EPM2A: variants seen among roughly 807,000 people sequenced by gnomAD.
EPM2A encodes laforin.
In EPM2A, 21 loss-of-function variants were observed where a neutral mutation model predicts 26.5. That is an observed-to-expected ratio of 0.79 (90% confidence interval 0.56 to 1.14). The LOEUF (loss-of-function observed/expected upper bound fraction) is 1.14, where lower values mean the gene tolerates loss of function less well. EPM2A is among the 50% of genes most tolerant of loss of function. The pLI is 0.00. For missense variants in EPM2A, 458 were observed against 440.8 expected, an observed-to-expected ratio of 1.04 and a Z score of -0.35; for synonymous variants, 217 against 177.6, an observed-to-expected ratio of 1.22 and a Z score of -1.76.
At chr6:145,495,310 A>ATTTT (rs71028352) in intron 4 of EPM2A, among the ~76,000 whole-genome samples, 2 of 143,640 alleles carry the variant, frequency 1.4e-5, no homozygotes, top group South Asian at 2.2e-4. Flanking sequence ...AACCACTGGG[A>ATTTT]TTTTTTTTTT....
rs557523220 is a variant in EPM2A, at chr6:145,467,029, A to T, written c.555+35493T>A. Among the ~76,000 whole-genome samples, 131 of 152,268 alleles carry T rather than the reference A, an allele frequency of 8.6e-4. 7 individuals are homozygous for T. The South Asian group carries it at 0.026, about 30-fold the overall frequency. ...GAGTGGAGAGGGATAGCACTGGGAG[A>T]TATACCTAATGCTAGATGACGAGTT... On this transcript the variant is annotated intron_variant, in intron 4 of 4. Coordinates refer to the EPM2A transcript ENST00000638717.
intron 4 of EPM2A, among the ~76,000 whole-genome samples, chr6:145,442,437 A>G (rs1449020633): frequency 2.6e-5 from 4 of 152,134 alleles, no homozygotes; most frequent in Non-Finnish European, 5.9e-5. Context: ...GGAAGGTGCA[A>G]AGCAGGTCTC....
chr6:145,481,200 C>A (rs968193434), intron 4 of EPM2A, among the ~76,000 whole-genome samples: 3 of 152,096 alleles, frequency 2.0e-5, no homozygotes, highest in African/African-American at 7.2e-5. Context: ...GTTCACTAAT[C>A]TTTTATATCC....
intron 2 of EPM2A, among the ~76,000 whole-genome samples, chr6:145,652,067 G>A (rs962667306): frequency 2.0e-5 from 3 of 152,050 alleles, no homozygotes; most frequent in African/African-American, 7.2e-5. Flanking sequence ...TTACTTATAA[G>A]ATATTTTATT....
chr6:145,706,144 C>T (rs1468590018), intron 1 of EPM2A, among the ~76,000 whole-genome samples: 1 of 152,126 alleles, frequency 6.6e-6, no homozygotes, highest in African/African-American at 2.4e-5. Context: ...CAGTTCTGGA[C>T]ATAGTACTTT....
intron 4 of EPM2A, among the ~76,000 whole-genome samples, chr6:145,408,368 AT>A (rs1241858832): frequency 6.6e-6 from 1 of 152,142 alleles, no homozygotes; most frequent in Non-Finnish European, 1.5e-5. Flanking sequence ...GGAGAGAAAG[AT>A]GTACAAGAAG....
intron 2 of EPM2A, among the ~76,000 whole-genome samples, chr6:145,650,930 C>T (rs1190349168): frequency 6.6e-6 from 1 of 152,166 alleles, no homozygotes; most frequent in African/African-American, 2.4e-5. Context: ...TTATCTCTTG[C>T]TCTCCACAAA....
rs530602757 is a variant in EPM2A, at chr6:145,459,170, G to C, written c.555+43352C>G. On this transcript the variant is annotated intron_variant, in intron 4 of 4. Transcript: ENST00000638717. ...ATACAGTATGGACAAGTGGGGATAT[G>C]TAGCCAATGGGCAAAGAGAGGGGGT... Among the ~76,000 whole-genome samples, 9 of 152,312 alleles carry C rather than the reference G, an allele frequency of 5.9e-5. No individual in the cohort carries two copies. In the South Asian group the frequency reaches 1.9e-3, roughly 32 times the overall value.
At chr6:145,698,427 T>C (rs1277383684) in intron 1 of EPM2A, among the ~76,000 whole-genome samples, 1 of 152,076 alleles carries the variant, frequency 6.6e-6, no homozygotes, top group Non-Finnish European at 1.5e-5. Flanking sequence ...CCAGTGGGGA[T>C]CTTTGAGGGA....
intron 2 of EPM2A, among the ~76,000 whole-genome samples, chr6:145,656,319 C>A (rs1582981278): frequency 6.6e-6 from 1 of 152,302 alleles, no homozygotes; most frequent in African/African-American, 2.4e-5. Context: ...CCAGCTCAGG[C>A]CAGATGGGAG....
intron 2 of EPM2A, chr6:145,671,194 TAA>T (rs560059399): frequency 4.5e-4 from 361 of 808,010 alleles, no homozygotes; most frequent in South Asian, 1.3e-3. Context: ...GCGAGCAAAG[TAA>T]AAAAAAAAAA....
rs565345765 is a variant in EPM2A, at chr6:145,471,226, T to C, written c.555+31296A>G. Among the ~76,000 whole-genome samples, 9 of 152,326 alleles carry C rather than the reference T, an allele frequency of 5.9e-5. No homozygotes were observed. The East Asian group carries it at 1.3e-3, about 23-fold the overall frequency. On this transcript the variant is annotated intron_variant, in intron 4 of 4. Transcript: ENST00000638717. Reference sequence around the variant, plus strand: ...ATTGATTGATCAATATATTTAATGATCGTAGGAGGATTTAGGCACTTTTTC... The same window carrying C: ...ATTGATTGATCAATATATTTAATGACCGTAGGAGGATTTAGGCACTTTTTC...
chr6:145,409,562 C>A (rs1253756350), intron 4 of EPM2A, among the ~76,000 whole-genome samples: 1 of 152,114 alleles, frequency 6.6e-6, no homozygotes, highest in Admixed American at 6.6e-5. Flanking sequence ...AGATGGGGAG[C>A]AAATTATACA....
intron 4 of EPM2A, among the ~76,000 whole-genome samples, chr6:145,445,720 A>C (rs994598172): frequency 6.6e-6 from 1 of 152,060 alleles, no homozygotes; most frequent in Non-Finnish European, 1.5e-5. Flanking sequence ...TCCTTACTTC[A>C]CCATTTTCAC....
intron 2 of EPM2A, among the ~76,000 whole-genome samples, chr6:145,680,815 A>G (rs1257766334): frequency 6.6e-6 from 1 of 152,028 alleles, no homozygotes; most frequent in East Asian, 1.9e-4. Flanking sequence ...GGTTGGTTCC[A>G]AGTCTTTGCT....
intron 4 of EPM2A, among the ~76,000 whole-genome samples, chr6:145,452,893 C>T (rs1779216002): frequency 6.6e-6 from 1 of 152,078 alleles, no homozygotes. Context: ...TGGTGCTTTG[C>T]AAATCAAACT....
intron 4 of EPM2A, among the ~76,000 whole-genome samples, chr6:145,487,751 C>T (rs1479428062): frequency 6.6e-6 from 1 of 152,104 alleles, no homozygotes; most frequent in East Asian, 1.9e-4. Flanking sequence ...CAAAAATTTT[C>T]TCCCATTCTG....
chr6:145,533,753 C>T (rs1021532075), intron 2 of EPM2A, among the ~76,000 whole-genome samples: 3 of 152,120 alleles, frequency 2.0e-5, no homozygotes, highest in Non-Finnish European at 4.4e-5. Flanking sequence ...ATCCCTCCAC[C>T]TCTCCCCCAC....
chr6:145,604,511 C>T (rs1396568479), intron 2 of EPM2A, among the ~76,000 whole-genome samples: 1 of 152,108 alleles, frequency 6.6e-6, no homozygotes, highest in East Asian at 1.9e-4. Flanking sequence ...AAAACCACCA[C>T]TGGAAAATCC....
Sources: allele counts gnomAD v4.1 joint callset (sites outside exome capture counted in the v4.1 genomes callset), GRCh38; gene constraint gnomAD v4.1.1; transcripts MANE v1.5; gene names NCBI Gene and HGNC (gene_info 2026-07-23, HGNC 2026-07-21).